The following PCDHGB5 variants were observed in gnomAD, a reference collection of about 807,000 sequenced individuals.
The protein encoded by PCDHGB5 is protocadherin gamma-B5.
PCDHGB5 carries 48 observed loss-of-function variants against 62.9 expected under a neutral mutation model. The observed-to-expected ratio is 0.76, with a 90% confidence interval of 0.61 to 0.97. PCDHGB5 has a LOEUF of 0.97. PCDHGB5 is among the 50% of genes least tolerant of loss of function. The pLI is 0.00. For missense variants in PCDHGB5, 1,118 were observed against 1,198.6 expected (o/e 0.93, Z 0.99); for synonymous variants, 474 against 511.2 (o/e 0.93, Z 0.98).
chr5:141,400,863 T>G (rs370697957), intron 1 of PCDHGB5, among the ~76,000 whole-genome samples: 1 of 152,250 alleles, frequency 6.6e-6, no homozygotes. Context: ...TGTATGTAGA[T>G]AAACCATTAA....
At chr5:141,428,230 C>A in intron 1 of PCDHGB5, 1 of 1,073,982 alleles carries the variant, frequency 9.3e-7, no homozygotes, top group Non-Finnish European at 1.4e-6. Flanking sequence ...CGCAGACAGC[C>A]TGCAGGAGGC....
At chr5:141,403,507 A>G (rs373170550) in intron 1 of PCDHGB5, 1 of 1,614,006 alleles carries the variant, frequency 6.2e-7, no homozygotes, top group Non-Finnish European at 8.5e-7. Context: ...TGCAGACTGG[A>G]GACAATGGAG....
rs1445450316 is a variant in PCDHGB5, at chr5:141,491,210, C to T, written c.2398-3597C>T. On this transcript the variant is annotated intron_variant, in intron 1 of 3. Coordinates refer to ENST00000617380, the MANE Select transcript of PCDHGB5 (RefSeq NM_018925.3). The surrounding 1 kb of genome is among the most constrained non-coding windows in gnomAD (Gnocchi z 6.9). ...AGGGACAATGGTGACCCTTCACTCT[C>T]CTCCACAGCCACAGTGCTGCTGGTT... The T allele has an allele frequency of 3.7e-6, 6 of 1,614,228 alleles. No homozygotes were observed. Among genetic ancestry groups the T allele is most frequent in the Non-Finnish European group, 3.4e-6 (4 of 1,180,032 alleles).
intron 1 of PCDHGB5, chr5:141,408,468 G>T: frequency 6.2e-7 from 1 of 1,614,070 alleles, no homozygotes; most frequent in Non-Finnish European, 8.5e-7. Context: ...GTGAAGAACC[G>T]AATAGACCGT....
intron 1 of PCDHGB5, among the ~76,000 whole-genome samples, chr5:141,450,616 A>G (rs2098687684): frequency 6.6e-6 from 1 of 151,486 alleles, no homozygotes; most frequent in African/African-American, 2.4e-5. Flanking sequence ...CCTCCTGAGT[A>G]GCTGGGATTA....
intron 1 of PCDHGB5, among the ~76,000 whole-genome samples, chr5:141,454,924 C>T (rs1252057038): frequency 6.7e-6 from 1 of 149,858 alleles, no homozygotes; most frequent in Non-Finnish European, 1.5e-5. Context: ...TCTCCTGCCT[C>T]AGCCTCCCGA....
chr5:141,448,966 A>G (rs981772425), intron 1 of PCDHGB5, among the ~76,000 whole-genome samples: 5 of 152,118 alleles, frequency 3.3e-5, no homozygotes, highest in Non-Finnish European at 7.4e-5. Context: ...CAAACAAACA[A>G]AAAAGAACTT....
chr5:141,415,819 TA>T, intron 1 of PCDHGB5: 2 of 1,328,322 alleles, frequency 1.5e-6, no homozygotes, highest in African/African-American at 1.5e-5. Context: ...CTATATATCA[TA>T]AGGCTTTGTT....
intron 1 of PCDHGB5, among the ~76,000 whole-genome samples, chr5:141,446,193 T>C (rs1402824950): frequency 6.6e-6 from 1 of 152,208 alleles, no homozygotes; most frequent in East Asian, 1.9e-4. Flanking sequence ...TTTATTATTA[T>C]ATTCCTAGGT....
intron 1 of PCDHGB5, chr5:141,418,890 G>A (rs1449142412): frequency 1.9e-6 from 3 of 1,613,934 alleles, no homozygotes; most frequent in Non-Finnish European, 2.5e-6. Flanking sequence ...AACGACAACA[G>A]CCCAGAAATA....
At chr5:141,418,536 C>G (rs1196331424) in intron 1 of PCDHGB5, 6 of 1,614,026 alleles carry the variant, frequency 3.7e-6, no homozygotes, top group South Asian at 1.1e-5. Flanking sequence ...AGCGGTACTG[C>G]TCAGATAAGA....
intron 1 of PCDHGB5, chr5:141,415,883 G>C: frequency 1.0e-6 from 1 of 984,090 alleles, no homozygotes; most frequent in Non-Finnish European, 1.4e-6. Context: ...GTACAATATT[G>C]ACAATTCCTA....
At chr5:141,457,175 A>C (rs1447297536) in intron 1 of PCDHGB5, among the ~76,000 whole-genome samples, 2 of 152,192 alleles carry the variant, frequency 1.3e-5, no homozygotes, top group Non-Finnish European at 2.9e-5. Flanking sequence ...ACCCTATTGC[A>C]AATAGTAGAG....
At chr5:141,497,142 C>T (rs1316569011) in intron 2 of PCDHGB5, among the ~76,000 whole-genome samples, 2 of 149,678 alleles carry the variant, frequency 1.3e-5, no homozygotes, top group South Asian at 2.1e-4. Context: ...GCTGAGATCA[C>T]GAAAAAAAAA....
chr5:141,487,688 G>T lies in PCDHGB5; in HGVS notation c.2398-7119G>T, dbSNP rs376927186. ...AGGCATATGGCTAGGCCATGTCCTAGAGAGTACTGGCCTCTCAGTAAGTGC... is the reference window on the plus strand; with the variant it reads ...AGGCATATGGCTAGGCCATGTCCTATAGAGTACTGGCCTCTCAGTAAGTGC... On this transcript the variant is annotated intron_variant, in intron 1 of 3. Coordinates refer to ENST00000617380, the MANE Select transcript of PCDHGB5 (RefSeq NM_018925.3). The surrounding 1 kb of genome is among the most constrained non-coding windows in gnomAD (Gnocchi z 5.0). 1.2e-6 allele frequency: 2 copies of T among 1,604,966 alleles called. No individual in the cohort carries two copies.
At chr5:141,419,751 C>T (rs140649685) in intron 1 of PCDHGB5, 1 of 1,613,900 alleles carries the variant, frequency 6.2e-7, no homozygotes, top group African/African-American at 1.3e-5. Flanking sequence ...ATGGTGCGTG[C>T]TTTGGGTGAC....
At chr5:141,415,656 T>C (rs1211470385) in intron 1 of PCDHGB5, 9 of 1,585,542 alleles carry the variant, frequency 5.7e-6, no homozygotes, top group African/African-American at 1.4e-5. Flanking sequence ...AAAAAAAGAT[T>C]GGTTTTTACT....
At position 141,431,604 on chromosome 5, in the gene PCDHGB5, G is replaced by A; in HGVS notation, c.2397+31080G>A. On this transcript the variant is annotated intron_variant, in intron 1 of 3. Coordinates refer to ENST00000617380, the MANE Select transcript of PCDHGB5 (RefSeq NM_018925.3). The surrounding 1 kb of genome is among the most constrained non-coding windows in gnomAD (Gnocchi z 4.8). ...AATGCGGAAGTGAGGTATTCCTTCCGGTATGTGGACGACAAGGCGGCCCAA... is the reference window on the plus strand; with the variant it reads ...AATGCGGAAGTGAGGTATTCCTTCCAGTATGTGGACGACAAGGCGGCCCAA... 8 of 1,614,206 alleles carry A rather than the reference G, an allele frequency of 5.0e-6. No individual in the cohort carries two copies. Among genetic ancestry groups the A allele is most frequent in the Non-Finnish European group, 6.8e-6 (8 of 1,180,046 alleles).
intron 1 of PCDHGB5, among the ~76,000 whole-genome samples, chr5:141,437,623 T>G (rs887878119): frequency 3.3e-5 from 5 of 152,172 alleles, no homozygotes; most frequent in Non-Finnish European, 7.4e-5. Context: ...TATCCCCATA[T>G]AAGATGTCAG....
Sources: gnomAD v4.1 joint callset for allele counts (sites outside exome capture counted in the v4.1 genomes callset) on GRCh38, gnomAD v4.1.1 for gene constraint, Gnocchi (gnomAD v3.1) non-coding constraint, MANE v1.5 for transcripts, NCBI Gene and HGNC (gene_info 2026-07-23, HGNC 2026-07-21) for gene names.